VTI1A: variants seen among roughly 807,000 people sequenced by gnomAD.
VTI1A encodes the protein vesicle transport through interaction with t-SNAREs 1A.
In VTI1A, 22 loss-of-function variants were observed where a neutral mutation model predicts 34.9. The ratio of observed to expected loss-of-function variants is 0.63; its 90% CI spans 0.45 to 0.90. The LOEUF (loss-of-function observed/expected upper bound fraction) is 0.90. Among genes scored for constraint, VTI1A ranks in the 40% least tolerant of loss-of-function variants. VTI1A has a pLI of 0.00. For synonymous variants in VTI1A, 87 were observed against 97.3 expected (o/e 0.89, Z 0.62); for missense variants, 268 against 275.6 (o/e 0.97, Z 0.20).
intron 5 of VTI1A, among the ~76,000 whole-genome samples, chr10:112,546,272 A>G (rs1276490140): frequency 6.6e-6 from 1 of 151,992 alleles, no homozygotes; most frequent in African/African-American, 2.4e-5. Context: ...TATAGTTAAT[A>G]TGTATACTCC....
rs145788393 is a variant in VTI1A at position 112,619,639 on chromosome 10, G to A, written c.428-48579G>A. Reference sequence around the variant, plus strand: ...TTTTTGCAGAACTTTCCTCTTTAATGTTTTGCCCAGATGCACACAATCGTC... The same window carrying A: ...TTTTTGCAGAACTTTCCTCTTTAATATTTTGCCCAGATGCACACAATCGTC... On this transcript the variant is annotated intron_variant, in intron 5 of 7. Transcript: ENST00000393077. Among the ~76,000 whole-genome samples, 275 of 152,264 alleles carry A rather than the reference G, an allele frequency of 1.8e-3. 2 individuals are homozygous for A. Among genetic ancestry groups the A allele is most frequent in the Middle Eastern group, 6.8e-3 (2 of 294 alleles).
chr10:112,808,075 AGGTGCGGT>A (rs1356704463), intron 7 of VTI1A, among the ~76,000 whole-genome samples: 1 of 149,988 alleles, frequency 6.7e-6, no homozygotes, highest in Admixed American at 6.6e-5. Context: ...AAAATTAGCC[AGGTGCGGT>A]GGTGCATGCC....
At chr10:112,841,806 T>C in the VTI1A span, among the ~76,000 whole-genome samples, 1 of 152,146 alleles carries the variant, frequency 6.6e-6, no homozygotes, top group East Asian at 1.9e-4. Context: ...GGGTGTAGTT[T>C]CCAGGAACAG....
At chr10:112,673,252 G>T (rs1564877685) in intron 7 of VTI1A, among the ~76,000 whole-genome samples, 1 of 151,114 alleles carries the variant, frequency 6.6e-6, no homozygotes, top group Admixed American at 6.6e-5. Context: ...GAGGCGAAAG[G>T]TTGCAGCGAG....
intron 7 of VTI1A, among the ~76,000 whole-genome samples, chr10:112,736,109 G>GTATATATATATATATATATA (rs1181090787): frequency 7.3e-4 from 85 of 116,808 alleles, no homozygotes; most frequent in Non-Finnish European, 8.8e-4. Flanking sequence ...ATATGTGTGT[G>GTATATATATATATATATATA]TGTATATATA....
intron 5 of VTI1A, among the ~76,000 whole-genome samples, chr10:112,545,015 T>C (rs1272507803): frequency 2.0e-5 from 3 of 152,038 alleles, no homozygotes; most frequent in Non-Finnish European, 2.9e-5. Context: ...AGAACAGGGA[T>C]TGGAGTGGTG....
chr10:112,752,805 T>C lies in VTI1A; in HGVS notation c.561-62485T>C, dbSNP rs901768432. Among the ~76,000 whole-genome samples the C allele has an allele frequency of 4.6e-5, 7 of 152,298 alleles. No individual in the cohort carries two copies. The East Asian group carries it at 1.2e-3, about 25-fold the overall frequency. On this transcript the variant is annotated intron_variant, in intron 7 of 7. Transcript: ENST00000393077. ...ATTTACTACCTTAAAATTCATCCCA[T>C]TGGGGTTACAGTGGCTTGGCAGTCT...
intron 4 of VTI1A, among the ~76,000 whole-genome samples, chr10:112,529,460 C>T (rs999119098): frequency 6.6e-6 from 1 of 152,068 alleles, no homozygotes; most frequent in Non-Finnish European, 1.5e-5. Context: ...AACGGAAGCT[C>T]TTTCTGTAAA....
chr10:112,686,609 T>C (rs191684018), intron 7 of VTI1A, among the ~76,000 whole-genome samples: 4 of 152,286 alleles, frequency 2.6e-5, no homozygotes, highest in East Asian at 1.9e-4. Flanking sequence ...TGAATCTTCT[T>C]TGAGGTTTAA....
At chr10:112,546,004 G>GCA (rs1851080758) in intron 5 of VTI1A, among the ~76,000 whole-genome samples, 2 of 139,054 alleles carry the variant, frequency 1.4e-5, no homozygotes, top group African/African-American at 3.1e-5. Context: ...GTGTATACGC[G>GCA]TATGTGTGTG....
At chr10:112,631,324 C>T (rs923930140) in intron 5 of VTI1A, among the ~76,000 whole-genome samples, 1 of 152,160 alleles carries the variant, frequency 6.6e-6, no homozygotes, top group Non-Finnish European at 1.5e-5. Flanking sequence ...ACATTTAGTA[C>T]TCTTACAGTG....
intron 4 of VTI1A, among the ~76,000 whole-genome samples, chr10:112,536,038 A>G (rs1469423918): frequency 2.6e-5 from 4 of 152,252 alleles, no homozygotes; most frequent in Non-Finnish European, 5.9e-5. Context: ...AAGGTCTTTC[A>G]GAAATTTTGC....
intron 5 of VTI1A, among the ~76,000 whole-genome samples, chr10:112,629,248 T>C (rs1846039200): frequency 6.6e-6 from 1 of 152,252 alleles, no homozygotes; most frequent in Non-Finnish European, 1.5e-5. Flanking sequence ...ATGCATCACA[T>C]TCCTCCTTAG....
At position 112,604,840 on chromosome 10, in the gene VTI1A, A is replaced by C. The variant is rs34926188; in HGVS notation, c.428-63378A>C. On this transcript the variant is annotated intron_variant, in intron 5 of 7. Coordinates refer to ENST00000393077, the MANE Select transcript of VTI1A (RefSeq NM_145206.4). ...GTGTACAGCGGTGATCACTGAGTAC[A>C]GTTTTACTCACTTAGGTAAATGAAG... Among the ~76,000 whole-genome samples, 632 of 152,304 alleles carry C rather than the reference A, an allele frequency of 4.1e-3. 5 individuals carry two copies. Among genetic ancestry groups the C allele is most frequent in the Non-Finnish European group, 4.1e-3 (281 of 68,020 alleles).
At chr10:112,573,193 G>C (rs1294290181) in intron 5 of VTI1A, among the ~76,000 whole-genome samples, 2 of 152,126 alleles carry the variant, frequency 1.3e-5, no homozygotes, top group Admixed American at 6.5e-5. Context: ...TCAGCCCAAG[G>C]TTTATGGTCC....
intron 7 of VTI1A, among the ~76,000 whole-genome samples, chr10:112,780,492 C>A (rs1303225977): frequency 6.6e-6 from 1 of 151,928 alleles, no homozygotes; most frequent in East Asian, 1.9e-4. Context: ...AAAATAAGCC[C>A]ATTTTTCTCC....
At chr10:112,498,272 A>T (rs1471127662) in intron 3 of VTI1A, among the ~76,000 whole-genome samples, 3 of 152,216 alleles carry the variant, frequency 2.0e-5, no homozygotes, top group Non-Finnish European at 2.9e-5. Context: ...AGGTTAAGTT[A>T]TTCTTAAAGA....
chr10:112,548,616 A>G (rs1185451465), intron 5 of VTI1A: 1 of 952,324 alleles, frequency 1.1e-6, no homozygotes, highest in South Asian at 1.3e-5. Flanking sequence ...AATAATGAAT[A>G]AGATAATATT....
intron 7 of VTI1A, among the ~76,000 whole-genome samples, chr10:112,786,265 A>G (rs1369456366): frequency 6.6e-6 from 1 of 152,180 alleles, no homozygotes; most frequent in Non-Finnish European, 1.5e-5. Context: ...GGCTATAGCA[A>G]TACACTTGAT....
Sources: gnomAD v4.1 joint callset for allele counts (sites outside exome capture counted in the v4.1 genomes callset) on GRCh38, gnomAD v4.1.1 for gene constraint, MANE v1.5 for transcripts, NCBI Gene and HGNC (gene_info 2026-07-23, HGNC 2026-07-21) for gene names.